Variants in GPM6B observed in about 807,000 individuals in gnomAD.
GPM6B encodes the protein neuronal membrane glycoprotein M6-b.
Under a neutral mutation model 27.2 loss-of-function variants are expected in GPM6B, and 4 were observed. That is an observed-to-expected ratio of 0.15 (90% confidence interval 0.07 to 0.34). The LOEUF is 0.34. Ranked by LOEUF, GPM6B falls within the 10% of genes least tolerant of loss-of-function variation. The pLI is 1.00. For synonymous variants in GPM6B, 124 were observed against 103.1 expected (o/e 1.20, Z -1.23); for missense variants, 183 against 261.9 (o/e 0.70, Z 2.08).
At chrX:13,824,624 C>A (rs73633578) in intron 1 of GPM6B, among the ~76,000 whole-genome samples, 1 of 111,616 alleles carries the variant, frequency 9.0e-6, no homozygotes, top group African/African-American at 3.3e-5. Flanking sequence ...GGCGACCATA[C>A]TTGATTAGGG....
At chrX:13,809,537 A>G (rs996837012) in intron 1 of GPM6B, among the ~76,000 whole-genome samples, 2 of 111,594 alleles carry the variant, frequency 1.8e-5, no homozygotes, top group Non-Finnish European at 3.8e-5. Context: ...GCACTTTGGG[A>G]GGCCAAGGCG....
At chrX:13,890,374 G>A (rs1037909858) in intron 1 of GPM6B, among the ~76,000 whole-genome samples, 1 of 111,738 alleles carries the variant, frequency 8.9e-6, no homozygotes, top group Non-Finnish European at 1.9e-5. Flanking sequence ...ATGGCTCTAT[G>A]GAGTAGCCAT....
chrX:13,805,269 C>T (rs1349546343), intron 2 of GPM6B, among the ~76,000 whole-genome samples: 1 of 112,019 alleles, frequency 8.9e-6, no homozygotes, highest in African/African-American at 3.2e-5. Flanking sequence ...AATCTTTCAT[C>T]ATATCATTAT....
intron 4 of GPM6B, 104 bp from the exon 5 acceptor site, chrX:13,780,093 A>G: frequency 1.5e-6 from 1 of 678,758 alleles, no homozygotes; most frequent in East Asian, 3.6e-5. Context: ...GACCTGTGGA[A>G]CACATTGTGG....
At position 13,786,927 on chromosome X, in the gene GPM6B, T is replaced by C. The variant is rs1457359851; in HGVS notation, c.182-1119A>G. ...TCCTAACCTCCTGTCTCTGTTTATA[T>C]TATCCAGACCCTTAAGTAAATGGCT... On this transcript the variant is annotated intron_variant, in intron 2 of 7. Transcript: ENST00000316715. Among the ~76,000 whole-genome samples, 3 of 107,969 alleles carry C rather than the reference T, an allele frequency of 2.8e-5. No individual in the cohort carries two copies. In the Admixed American group the frequency reaches 3.0e-4, roughly 11 times the overall value. The allele number at this position is 107,969 out of a possible 115,157, so 93.8% of individuals were successfully genotyped here.
At chrX:13,871,115 A>AAAACAAAACAAAAC (rs150568277) in intron 1 of GPM6B, among the ~76,000 whole-genome samples, 23 of 87,737 alleles carry the variant, frequency 2.6e-4, no homozygotes, top group South Asian at 1.2e-3. Flanking sequence ...AAAACAAAAC[A>AAAACAAAACAAAAC]AAAAAAAAAG....
At chrX:13,864,186 G>A (rs1256124417) in intron 1 of GPM6B, among the ~76,000 whole-genome samples, 1 of 112,641 alleles carries the variant, frequency 8.9e-6, no homozygotes, top group Non-Finnish European at 1.9e-5. Context: ...TGAAAGAATC[G>A]ATGCTGTCCC....
intron 2 of GPM6B, among the ~76,000 whole-genome samples, chrX:13,791,263 T>C (rs2048708562): frequency 9.2e-6 from 1 of 109,185 alleles, no homozygotes; most frequent in African/African-American, 3.3e-5. Flanking sequence ...CAGGCTGGAG[T>C]GAGTGGTGTG....
chrX:13,787,595 A>G (rs1273365453), intron 2 of GPM6B, among the ~76,000 whole-genome samples: 1 of 112,248 alleles, frequency 8.9e-6, no homozygotes, highest in African/African-American at 3.2e-5. Context: ...ATATGGTTCA[A>G]GTTCACTAGC....
At chrX:13,886,719 TAAAAAAAAAAA>T (rs5901522) in intron 1 of GPM6B, among the ~76,000 whole-genome samples, 1 of 35,106 alleles carries the variant, frequency 2.8e-5, no homozygotes, top group Non-Finnish European at 4.0e-5. Context: ...AAGTCACTAC[TAAAAAAAAAAA>T]AAAAAAAAAA....
intron 2 of GPM6B, among the ~76,000 whole-genome samples, chrX:13,786,834 G>A (rs945823338): frequency 9.1e-6 from 1 of 110,019 alleles, no homozygotes; most frequent in African/African-American, 3.3e-5. Context: ...GCCAGGTGAC[G>A]TTTTCAGTTT....
chrX:13,777,044 TG>T (rs2048426736), intron 6 of GPM6B, among the ~76,000 whole-genome samples: 1 of 110,928 alleles, frequency 9.0e-6, no homozygotes, highest in Non-Finnish European at 1.9e-5. Flanking sequence ...GTAGAAGAGG[TG>T]AGAGAAGAAT....
intron 1 of GPM6B, among the ~76,000 whole-genome samples, chrX:13,904,146 T>C (rs1382116738): frequency 8.9e-6 from 1 of 111,981 alleles, no homozygotes; most frequent in Non-Finnish European, 1.9e-5. Flanking sequence ...AAGTTTGAAA[T>C]ACATAATATA....
At chrX:13,795,073 G>A (rs2048785060) in intron 2 of GPM6B, among the ~76,000 whole-genome samples, 1 of 112,436 alleles carries the variant, frequency 8.9e-6, no homozygotes, top group African/African-American at 3.2e-5. Flanking sequence ...CTGCCATAGT[G>A]AGACTGACAG....
At chrX:13,922,947 G>A (rs984485021) in intron 1 of GPM6B, among the ~76,000 whole-genome samples, 1 of 111,935 alleles carries the variant, frequency 8.9e-6, no homozygotes. Context: ...AGGTCGAGGC[G>A]GGCAAAGCAC....
chrX:13,918,771 CAA>C (rs893404652), intron 1 of GPM6B, among the ~76,000 whole-genome samples: 4 of 110,975 alleles, frequency 3.6e-5, no homozygotes, highest in African/African-American at 1.3e-4. Flanking sequence ...AGAGCAAGAC[CAA>C]GAGAGAGAGC....
At position 13,807,775 on chromosome X, in the gene GPM6B, A is replaced by C; in HGVS notation, c.62-6T>G. The C allele has an allele frequency of 8.4e-7, 1 of 1,194,362 alleles. No homozygotes were observed. The highest frequency in any genetic ancestry group is 1.1e-6 in the Non-Finnish European group (1 of 883,870). ...CATTTCAGCTCTGCTGTTCACTGCC[A>C]ATTTCAGGTGGCAAAGAGTCAGTGT... On this transcript the variant is annotated splice_region_variant and splice_polypyrimidine_tract_variant and intron_variant, in intron 1 of 7. Transcript: ENST00000316715.
rs745812256 is a variant in GPM6B, at chrX:13,771,170, T to C, written c.*1711A>G. On this transcript the variant is annotated 3_prime_UTR_variant, in exon 8 of 8. Coordinates refer to ENST00000316715, the MANE Select transcript of GPM6B (RefSeq NM_001001995.3). ...TTTAATGCTCTTTACATAAAAAATA[T>C]TAGACTACTTAAACAAAACTTTCAA... The C allele has an allele frequency of 2.7e-5, 3 of 112,176 alleles. No homozygotes were observed. Among genetic ancestry groups the C allele is most frequent in the East Asian group, 5.6e-4 (2 of 3,601 alleles). 9.2% of individuals were successfully genotyped at this position (112,176 alleles called of 1,213,427 possible). A position where few individuals can be genotyped will look rare whatever the true frequency, so the allele number is the denominator to read the frequency against.
intron 1 of GPM6B, among the ~76,000 whole-genome samples, chrX:13,881,023 A>G (rs961064603): frequency 3.6e-5 from 4 of 110,447 alleles, no homozygotes; most frequent in African/African-American, 1.3e-4. Flanking sequence ...TGTTCTAGAG[A>G]CTCTCTGAAC....
Sources: allele counts gnomAD v4.1 joint callset (sites outside exome capture counted in the v4.1 genomes callset), GRCh38; gene constraint gnomAD v4.1.1; transcripts MANE v1.5; gene names NCBI Gene and HGNC (gene_info 2026-07-23, HGNC 2026-07-21).